The following DYNC2H1 variants were observed in gnomAD, a reference collection of about 807,000 sequenced individuals.
DYNC2H1 encodes the protein cytoplasmic dynein 2 heavy chain 1.
In DYNC2H1, 410 loss-of-function variants were observed where a neutral mutation model predicts 570.0. The ratio of observed to expected loss-of-function variants is 0.72; its 90% CI spans 0.66 to 0.78. DYNC2H1 has a LOEUF of 0.78. DYNC2H1 is among the 30% of genes least tolerant of loss of function. The pLI, the probability that DYNC2H1 is intolerant of heterozygous loss-of-function variation, is 0.00. For synonymous variants in DYNC2H1, 1,688 were observed against 1,677.6 expected, an observed-to-expected ratio of 1.01 and a Z score of -0.15; for missense variants, 4,865 against 5,046.4, an observed-to-expected ratio of 0.96 and a Z score of 1.09.
chr11:103,446,424 T>C lies in DYNC2H1; in HGVS notation c.12457-8762T>C, dbSNP rs1363243652. ...TCTTAAAGGTCAGAATTATCAACTA[T>C]GTCAAATGCTGTAAGTGAGGTTAGA... is the stretch of plus-strand genomic sequence containing the variant. On this transcript the variant is annotated intron_variant, in intron 85 of 88. Coordinates refer to ENST00000375735, the MANE Select transcript of DYNC2H1 (RefSeq NM_001377.3). The surrounding 1 kb of genome is among the most constrained non-coding windows in gnomAD (Gnocchi z 4.5). 6.6e-6 allele frequency among the ~76,000 whole-genome samples: 1 copy of C among 152,198 alleles called. No individual in the cohort carries two copies. Among genetic ancestry groups the C allele is most frequent in the Non-Finnish European group, 1.5e-5 (1 of 68,030 alleles).
intron 83 of DYNC2H1, among the ~76,000 whole-genome samples, chr11:103,383,574 C>T (rs2566940): frequency 0.66 from 99,035 of 150,990 alleles, 32,786 homozygotes; most frequent in Admixed American, 0.72. Context: ...CCCGCGTTCA[C>T]GCCATTCTCC....
intron 55 of DYNC2H1, among the ~76,000 whole-genome samples, chr11:103,218,411 TA>T (rs1322084722): frequency 2.0e-5 from 3 of 152,316 alleles, no homozygotes; most frequent in Middle Eastern, 3.4e-3. Flanking sequence ...ATATAATTTT[TA>T]TACTGGAAAA....
intron 82 of DYNC2H1, among the ~76,000 whole-genome samples, chr11:103,327,956 T>C (rs1938580674): frequency 6.6e-6 from 1 of 152,182 alleles, no homozygotes. Context: ...TCCACCCTTA[T>C]CTTAACTACG....
At chr11:103,182,230 C>G (rs1487033961) in intron 40 of DYNC2H1, among the ~76,000 whole-genome samples, 3 of 150,326 alleles carry the variant, frequency 2.0e-5, no homozygotes, top group African/African-American at 7.3e-5. Context: ...ATATATATGA[C>G]ATATGTATAT....
intron 84 of DYNC2H1, among the ~76,000 whole-genome samples, chr11:103,413,605 T>C (rs1302418767): frequency 2.0e-5 from 3 of 152,226 alleles, no homozygotes; most frequent in East Asian, 3.8e-4. Context: ...AGCTAAATTA[T>C]AGTGTTTGTT....
rs530371174 is a variant in DYNC2H1 at position 103,235,781 on chromosome 11, T to C, written c.9677T>C (p.Leu3226Ser). ...AAPESLRKTC[L>S]EEWTKSAGLE... is the part of the protein sequence containing the mutation. ...CCTGAATCTCTGAGAAAAACCTGTT[T>C]GGAAGAATGGACCAAGTCAGCTGGT... Residue 3226 changes from leucine (L) to serine (S), a missense_variant, in exon 62 of 89, where the codon TTG becomes TCG. Around this residue, in one of 5 missense-constraint regions of DYNC2H1, gnomAD observed 2,401 missense variants for 2,454.6 expected, o/e 0.98. Coordinates refer to ENST00000375735, the MANE Select transcript of DYNC2H1 (RefSeq NM_001377.3). 1.2e-6 allele frequency: 2 copies of C among 1,611,708 alleles called. No individual in the cohort carries two copies. The highest frequency in any genetic ancestry group is 4.5e-5 in the East Asian group (2 of 44,744).
At chr11:103,194,384 G>T (rs1862435132) in intron 47 of DYNC2H1, among the ~76,000 whole-genome samples, 1 of 152,012 alleles carries the variant, frequency 6.6e-6, no homozygotes, top group South Asian at 2.1e-4. Flanking sequence ...GAATACTCTT[G>T]TACAGGTTTT....
intron 15 of DYNC2H1, among the ~76,000 whole-genome samples, chr11:103,134,986 G>T (rs1384133103): frequency 6.6e-6 from 1 of 151,988 alleles, no homozygotes; most frequent in Non-Finnish European, 1.5e-5. Context: ...TTCAAGAAAA[G>T]GCAAAAGTAC....
chr11:103,372,088 T>C (rs1941186430), intron 83 of DYNC2H1, among the ~76,000 whole-genome samples: 1 of 134,558 alleles, frequency 7.4e-6, no homozygotes, highest in East Asian at 2.3e-4. Flanking sequence ...TCACCCAGGC[T>C]GGAGTGCAGT....
Position 103,299,099 on chromosome 11 carries a change from A to G in DYNC2H1, c.11096-3994A>G, listed in dbSNP as rs1046903187. Among the ~76,000 whole-genome samples the G allele has an allele frequency of 1.3e-5, 2 of 152,232 alleles. No individual in the cohort carries two copies. Among genetic ancestry groups the G allele is most frequent in the South Asian group, 4.1e-4 (2 of 4,822 alleles). On this transcript the variant is annotated intron_variant, in intron 75 of 88. Coordinates refer to ENST00000375735, the MANE Select transcript of DYNC2H1 (RefSeq NM_001377.3). This position sits in a 1 kb window ranked among gnomAD's most constrained non-coding sequence, Gnocchi z 4.5. The stretch of plus-strand genomic sequence containing the variant: ...TACTATGTGTATTGAGGTATTGGAA[A>G]TGTAAAGAGACATGTCCCCATACGG...
chr11:103,377,473 A>G (rs1478035369), intron 83 of DYNC2H1, among the ~76,000 whole-genome samples: 2 of 152,084 alleles, frequency 1.3e-5, no homozygotes, highest in Non-Finnish European at 2.9e-5. Context: ...ACTATCGTAC[A>G]TAATATTTAC....
chr11:103,459,650 C>A (rs1463105038), intron 87 of DYNC2H1, among the ~76,000 whole-genome samples: 2 of 152,074 alleles, frequency 1.3e-5, no homozygotes, highest in African/African-American at 4.8e-5. Flanking sequence ...CCATAAAATT[C>A]TCACTTAAAG....
At chr11:103,386,857 T>A (rs1941900509) in intron 83 of DYNC2H1, among the ~76,000 whole-genome samples, 1 of 152,128 alleles carries the variant, frequency 6.6e-6, no homozygotes, top group Non-Finnish European at 1.5e-5. Context: ...TGCATAGTAT[T>A]CCATGGTGTG....
chr11:103,287,514 T>G lies in DYNC2H1; in HGVS notation c.11023-19T>G, dbSNP rs775170432. 1.0e-5 allele frequency: 16 copies of G among 1,588,162 alleles called. No homozygotes were observed. Among genetic ancestry groups the G allele is most frequent in the Non-Finnish European group, 1.4e-5 (16 of 1,166,670 alleles). The stretch of plus-strand genomic sequence containing the variant: ...GCAGCAACTTTATTCTTTAAAAATA[T>G]TCTGCATTTTATTTTAAGATTCTTG... On this transcript the variant is annotated intron_variant, in intron 74 of 88. Coordinates refer to ENST00000375735, the MANE Select transcript of DYNC2H1 (RefSeq NM_001377.3).
chr11:103,179,488 CTG>C (rs1332267018), intron 39 of DYNC2H1, among the ~76,000 whole-genome samples: 1 of 151,520 alleles, frequency 6.6e-6, no homozygotes, highest in African/African-American at 2.4e-5. Context: ...AAAATTTGGT[CTG>C]TTTATTATTT....
chr11:103,351,751 G>A (rs1379484996), intron 82 of DYNC2H1, among the ~76,000 whole-genome samples: 2 of 151,794 alleles, frequency 1.3e-5, no homozygotes, highest in African/African-American at 4.8e-5. Context: ...CATTTTCTTT[G>A]GTATTAAATT....
intron 66 of DYNC2H1, 110 bp from the exon 67 acceptor site, chr11:103,255,305 A>G (rs889628700): frequency 1.8e-5 from 21 of 1,183,016 alleles, no homozygotes; most frequent in Middle Eastern, 2.1e-4. Context: ...ATGAGATAAC[A>G]TAGTATCATA....
In DYNC2H1 at chr11:103,122,872, A is replaced by G. The variant is rs780642236; in HGVS notation, c.1533A>G (p.Pro511=). The G allele has an allele frequency of 1.3e-5, 21 of 1,613,372 alleles. 1 individual carries two copies. In the South Asian group the frequency reaches 2.1e-4, roughly 16 times the overall value. The change falls in exon 11 of 89, where the codon CCA becomes CCG. Residue 511 remains proline, a synonymous_variant. Coordinates refer to ENST00000375735, the MANE Select transcript of DYNC2H1 (RefSeq NM_001377.3). ...CAGAGGCTCTTTTATCTGACTTGCC[A>G]GGATTTCGATGTTTCCATCAAAGTG... ...KIAEALLSDL[P]GFRCFHQSAK... is the part of the protein sequence containing the mutation.
At chr11:103,466,117 T>C (rs1323136355) in intron 87 of DYNC2H1, among the ~76,000 whole-genome samples, 1 of 151,932 alleles carries the variant, frequency 6.6e-6, no homozygotes, top group African/African-American at 2.4e-5. Flanking sequence ...AAAAAAACAG[T>C]CCAGAAACAA....
Sources: gnomAD v4.1 joint callset for allele counts (sites outside exome capture counted in the v4.1 genomes callset) on GRCh38, gnomAD v4.1.1 for gene constraint, gnomAD v4.1.1 regional missense constraint, Gnocchi (gnomAD v3.1) non-coding constraint, MANE v1.5 for transcripts, NCBI Gene and HGNC (gene_info 2026-07-23, HGNC 2026-07-21) for gene names.